The following GATAD1 variants were observed in gnomAD, a reference collection of about 807,000 sequenced individuals.
The protein encoded by GATAD1 is GATA zinc finger domain-containing protein 1.
In GATAD1, 12 loss-of-function variants were observed where a neutral mutation model predicts 26.5. That is an observed-to-expected ratio of 0.45 (90% CI 0.29 to 0.73). The LOEUF (loss-of-function observed/expected upper bound fraction) is 0.73, where lower values mean the gene tolerates loss of function less well. Among genes scored for constraint, GATAD1 ranks in the 30% least tolerant of loss-of-function variants. GATAD1 has a pLI of 0.10. For missense variants in GATAD1, 266 were observed against 342.1 expected, an observed-to-expected ratio of 0.78 and a Z score of 1.75; for synonymous variants, 129 against 133.1, an observed-to-expected ratio of 0.97 and a Z score of 0.21.
In GATAD1 at chr7:92,459,031, C is replaced by G. The variant is rs985614132; in HGVS notation, c.*2469C>G. ...CTGAGGTCAGGAGTTCGAGACCAGC[C>G]TGGTCAACATGAAACCCCGTCTCTA... On this transcript the variant is annotated 3_prime_UTR_variant, in exon 5 of 5. Transcript: ENST00000287957. The G allele has an allele frequency of 6.6e-6, 1 of 152,214 alleles. No homozygotes were observed. Among genetic ancestry groups the G allele is most frequent in the African/African-American group, 2.4e-5 (1 of 41,420 alleles). 9.4% of individuals were successfully genotyped at this position (152,214 alleles called of 1,614,324 possible). A position where few individuals can be genotyped will look rare whatever the true frequency, so the allele number is the denominator to read the frequency against.
At chr7:92,475,946 G>A in the GATAD1 span, among the ~76,000 whole-genome samples, 3 of 152,320 alleles carry the variant, frequency 2.0e-5, no homozygotes, top group Admixed American at 6.5e-5. Flanking sequence ...CAGCTCACAC[G>A]TTTGAGGAGA....
At chr7:92,469,865 T>C in the GATAD1 span, 1 of 776,732 alleles carries the variant, frequency 1.3e-6, no homozygotes, top group Non-Finnish European at 2.4e-6. Context: ...TGGAGCCCAG[T>C]GAGGGTGGTA....
rs1005013066 is a variant in GATAD1 at position 92,457,652 on chromosome 7, A to G, written c.*1090A>G. On this transcript the variant is annotated 3_prime_UTR_variant, in exon 5 of 5. Coordinates refer to ENST00000287957, the MANE Select transcript of GATAD1 (RefSeq NM_021167.5). The stretch of plus-strand genomic sequence containing the variant: ...CTCATAAAATGGATTGTATTTTTCT[A>G]TAAGAACAAAATATTAATTAAGGTA... 1.3e-5 allele frequency: 2 copies of G among 152,186 alleles called. No individual in the cohort carries two copies. Among genetic ancestry groups the G allele is most frequent in the African/African-American group, 4.8e-5 (2 of 41,446 alleles). 9.4% of individuals were successfully genotyped at this position (152,186 alleles called of 1,614,324 possible). A position where few individuals can be genotyped will look rare whatever the true frequency, so the allele number is the denominator to read the frequency against.
chr7:92,473,611 T>C, the GATAD1 span, among the ~76,000 whole-genome samples: 3 of 151,078 alleles, frequency 2.0e-5, no homozygotes, highest in Non-Finnish European at 4.4e-5. Flanking sequence ...CCTAACAAGG[T>C]AGTGGGGCTT....
chr7:92,493,129 C>G, the GATAD1 span: 1 of 1,556,558 alleles, frequency 6.4e-7, no homozygotes, highest in African/African-American at 1.4e-5. Flanking sequence ...AGACGTGACA[C>G]CTGAAAGGAG....
chr7:92,471,501 G>T, the GATAD1 span: 1 of 152,200 alleles, frequency 6.6e-6, no homozygotes, highest in South Asian at 2.1e-4. Flanking sequence ...GTGGCTAGCC[G>T]TCCCGAGGGG....
chr7:92,495,725 A>G, the GATAD1 span, among the ~76,000 whole-genome samples: 1,714 of 152,072 alleles, frequency 0.011, 10 homozygotes, highest in Middle Eastern at 0.024. Flanking sequence ...AGATTTGTCA[A>G]TTGTACTCGG....
chr7:92,487,540 A>C, the GATAD1 span: 1 of 1,502,326 alleles, frequency 6.7e-7, no homozygotes, highest in East Asian at 2.3e-5. Context: ...AAGCTTTCAT[A>C]TCTGAAAAAA....
chr7:92,472,664 G>A, the GATAD1 span: 16 of 152,184 alleles, frequency 1.1e-4, no homozygotes, highest in Admixed American at 5.9e-4. Context: ...TGGCTATTTC[G>A]CCATACCTGG....
At chr7:92,463,589 G>T (rs1789998546), downstream of GATAD1, among the ~76,000 whole-genome samples, 1 of 151,876 alleles carries the variant, frequency 6.6e-6, no homozygotes, top group South Asian at 2.1e-4. Context: ...GTGTGACCTG[G>T]GAGTCGGAGC....
At chr7:92,466,745 C>T in the GATAD1 span, among the ~76,000 whole-genome samples, 413 of 152,272 alleles carry the variant, frequency 2.7e-3, no homozygotes, top group African/African-American at 9.7e-3. Context: ...GACAGCACCA[C>T]TGGTCACACA....
chr7:92,494,013 G>A, the GATAD1 span: 9 of 370,368 alleles, frequency 2.4e-5, no homozygotes, highest in South Asian at 1.0e-4. Flanking sequence ...TCTTTGAACA[G>A]AAGATAATGT....
chr7:92,483,695 C>G, the GATAD1 span, among the ~76,000 whole-genome samples: 9 of 152,216 alleles, frequency 5.9e-5, no homozygotes, highest in Admixed American at 5.9e-4. Context: ...TTAACCTTGA[C>G]TATGCCTTTA....
the GATAD1 span, among the ~76,000 whole-genome samples, chr7:92,467,803 C>G: frequency 6.6e-6 from 1 of 152,196 alleles, no homozygotes; most frequent in Non-Finnish European, 1.5e-5. Context: ...AATAGAAGCC[C>G]TACTTGGAGA....
At chr7:92,460,412 A>G (rs1432980765), downstream of GATAD1, among the ~76,000 whole-genome samples, 2 of 152,150 alleles carry the variant, frequency 1.3e-5, no homozygotes, top group Non-Finnish European at 2.9e-5. Flanking sequence ...AAGCCAGGAG[A>G]AGGTCTGTGC....
At chr7:92,460,108 G>T (rs1372637871), downstream of GATAD1, among the ~76,000 whole-genome samples, 1 of 152,146 alleles carries the variant, frequency 6.6e-6, no homozygotes, top group East Asian at 1.9e-4. Context: ...GCTGTGAAAG[G>T]CTTTTCCAGG....
Position 92,447,950 on chromosome 7 carries a change from A to G in GATAD1, c.221A>G (p.Gln74Arg), listed in dbSNP as rs1209339693. The G allele has an allele frequency of 8.1e-7, 1 of 1,229,284 alleles. No individual in the cohort carries two copies. Among genetic ancestry groups the G allele is most frequent in the Non-Finnish European group, 1.0e-6 (1 of 987,036 alleles). The allele number at this position is 1,229,284 out of a possible 1,614,324, so 76.1% of individuals were successfully genotyped here. Residue 74 changes from glutamine to arginine, a missense_variant, in exon 1 of 5, where the codon CAG (glutamine) becomes CGG (arginine). Transcript: ENST00000287957. ...GCCAGCACCTCCGCCACCCCTCCGC[A>G]GAGCAACGGGGGCGGGGGCGGCAAG... is the stretch of plus-strand genomic sequence containing the variant. ...TFASTSATPP[Q>R]SNGGGGGKQS...
chr7:92,493,123 G>C, the GATAD1 span: 2 of 1,588,576 alleles, frequency 1.3e-6, no homozygotes, highest in South Asian at 1.1e-5. Context: ...ATTTCAAGAC[G>C]TGACACCTGA....
downstream of GATAD1, among the ~76,000 whole-genome samples, chr7:92,463,995 G>T (rs568322898): frequency 9.9e-5 from 15 of 152,216 alleles, no homozygotes; most frequent in South Asian, 2.9e-3. Context: ...TGTAAGTTTT[G>T]TTATGCATAT....
Sources: gnomAD v4.1 joint callset for allele counts (sites outside exome capture counted in the v4.1 genomes callset) on GRCh38, gnomAD v4.1.1 for gene constraint, MANE v1.5 for transcripts, NCBI Gene and HGNC (gene_info 2026-07-23, HGNC 2026-07-21) for gene names.